The following ADAD2 variants were observed in gnomAD, a reference collection of about 807,000 sequenced individuals.
ADAD2 encodes the protein adenosine deaminase domain containing 2.
Under a neutral mutation model 54.5 loss-of-function variants are expected in ADAD2, and 60 were observed. The ratio of observed to expected loss-of-function variants is 1.10; its 90% confidence interval spans 0.89 to 1.36. ADAD2 has a LOEUF of 1.36. ADAD2 is among the 40% of genes most tolerant of loss of function. The pLI is 0.00. For synonymous variants in ADAD2, 543 were observed against 366.2 expected, an observed-to-expected ratio of 1.48 and a Z score of -5.51; for missense variants, 1,103 against 801.3, an observed-to-expected ratio of 1.38 and a Z score of -4.54.
In ADAD2 at chr16:84,196,900, C is replaced by A. The variant is rs745974652; in HGVS notation, c.1678C>A (p.Leu560Met). 6.3e-7 allele frequency: 1 copy of A among 1,596,254 alleles called. No individual in the cohort carries two copies. The change falls in exon 10 of 10, where the codon CTG (leucine) becomes ATG (methionine). Residue 560 changes from leucine to methionine, a missense_variant. By Grantham distance (15) the Leu-to-Met change is conservative. Coordinates refer to ENST00000315906, the MANE Select transcript of ADAD2 (RefSeq NM_001145400.2). Reference sequence around the variant, plus strand: ...GCCCTACCAGGAGGCTCGCAGGCAGCTGTCTCTCCTCCTGGACCAGCAGGG... The same window carrying A: ...GCCCTACCAGGAGGCTCGCAGGCAGATGTCTCTCCTCCTGGACCAGCAGGG... ...AGPYQEARRQ[L>M]SLLLDQQGLG...
At chr16:84,194,254 A>T (rs1156897588) in intron 1 of ADAD2, 188 bp from the exon 2 acceptor site, 2 of 1,553,744 alleles carry the variant, frequency 1.3e-6, no homozygotes, top group African/African-American at 2.7e-5. Flanking sequence ...GATGGGTCAC[A>T]GCCTGCAGAG....
Position 84,191,308 on chromosome 16 carries a change from C to T in ADAD2, c.78C>T (p.Ser26=), listed in dbSNP as rs2089647082. 2 of 1,592,522 alleles carry T rather than the reference C, an allele frequency of 1.3e-6. No individual in the cohort carries two copies. Among genetic ancestry groups the T allele is most frequent in the Non-Finnish European group, 8.6e-7 (1 of 1,168,784 alleles). The change falls in exon 1 of 10, where the codon AGC becomes AGT. Residue 26 remains serine (S), a synonymous_variant. Transcript: ENST00000315906. ...GCCTGGCTGCATCGTTGCAGATCAG[C>T]CCCCAGCCCCGCCCCTGGCGACCGC... ...KPRLAASLQI[S]PQPRPWRPLP...
Position 84,191,513 on chromosome 16 carries a change from C to T in ADAD2, c.283C>T (p.Pro95Ser), listed in dbSNP as rs1228442323. 6.5e-7 allele frequency: 1 copy of T among 1,544,702 alleles called. No individual in the cohort carries two copies. Among genetic ancestry groups the T allele is most frequent in the African/African-American group, 1.4e-5 (1 of 72,984 alleles). The change falls in exon 1 of 10, where the codon CCG becomes TCG. Residue 95 changes from proline (P) to serine (S), a missense_variant. Transcript: ENST00000315906. ...CTTGGGGGAACAGATGGGGAAGGCC[C>T]CGAGGGTCCCTGTGCCCCCAGCAGG... The part of the protein sequence containing the change: ...ENLGEQMGKA[P>S]RVPVPPAGLS...
intron 2 of ADAD2, 149 bp downstream of exon 2, chr16:84,194,731 G>A (rs2089703681): frequency 7.1e-7 from 1 of 1,403,462 alleles, no homozygotes; most frequent in African/African-American, 1.4e-5. Context: ...GTCACCTGCA[G>A]GGAGCTGGGG....
In ADAD2 at chr16:84,191,217, C is replaced by G; in HGVS notation, c.-14C>G. ...CGAGATAGGGCCTAGCGCCTCAGAT[C>G]TTCGTTGGCGGCCATGGCTTCGGCT... On this transcript the variant is annotated 5_prime_UTR_variant, in exon 1 of 10. The change creates a new upstream start codon in the 5' untranslated region. Coordinates refer to ENST00000315906, the MANE Select transcript of ADAD2 (RefSeq NM_001145400.2). The G allele has an allele frequency of 6.2e-7, 1 of 1,606,034 alleles. No homozygotes were observed. The highest frequency in any genetic ancestry group is 8.5e-7 in the Non-Finnish European group (1 of 1,175,908).
At chr16:84,194,077 C>G in intron 1 of ADAD2, 1 of 1,613,648 alleles carries the variant, frequency 6.2e-7, no homozygotes, top group Non-Finnish European at 8.5e-7. Context: ...GGTGGAAGTG[C>G]TCAGAGCCTT....
intron 1 of ADAD2, chr16:84,193,218 C>T (rs984371360): frequency 6.6e-6 from 1 of 152,232 alleles, no homozygotes; most frequent in Non-Finnish European, 1.5e-5. Context: ...ATAATACCAT[C>T]TTCTAATTTC....
Position 84,191,469 on chromosome 16 carries a change from C to T in ADAD2, c.239C>T (p.Ala80Val). ...GGGGCCGGAGTCGGGGAACTGGGGG[C>T]AGCCCGGGCGTGGGAAAACTTGGGG... The part of the protein sequence containing the change: ...GAGAGVGELG[A>V]ARAWENLGEQ... Residue 80 changes from alanine to valine, a missense_variant, in exon 1 of 10, where the codon GCA becomes GTA. Coordinates refer to ENST00000315906, the MANE Select transcript of ADAD2 (RefSeq NM_001145400.2). 6.5e-7 allele frequency: 1 copy of T among 1,533,062 alleles called. No homozygotes were observed. 95.0% of individuals were successfully genotyped at this position (1,533,062 alleles called of 1,614,324 possible). A position where few individuals can be genotyped will look rare whatever the true frequency, so the allele number is the denominator to read the frequency against.
Position 84,191,253 on chromosome 16 carries a change from C to T in ADAD2, c.23C>T (p.Ala8Val), listed in dbSNP as rs1328617926. The T allele has an allele frequency of 1.0e-5, 16 of 1,607,542 alleles. No individual in the cohort carries two copies. The highest frequency in any genetic ancestry group is 1.3e-5 in the Non-Finnish European group (15 of 1,177,318). ...GCCATGGCTTCGGCTTCTCAGGGCG[C>T]TGACGACGACGGCAGTCGTAGGAAG... MASASQGADDDGSRRKPR... is the reference protein window; with the variant it reads MASASQGVDDDGSRRKPR... The change falls in exon 1 of 10, where the codon GCT (alanine) becomes GTT (valine). Residue 8 changes from alanine (A) to valine (V), a missense_variant. Physicochemically the swap from Ala to Val is moderately conservative, Grantham distance 64. Transcript: ENST00000315906.
chr16:84,196,416 T>G, intron 8 of ADAD2, 46 bp downstream of exon 8: 1 of 1,582,652 alleles, frequency 6.3e-7, no homozygotes, highest in Non-Finnish European at 8.6e-7. Context: ...GTGCTGGTGA[T>G]GGAGGGCTCA....
chr16:84,191,375 C>CCCGCGA lies in ADAD2; in HGVS notation c.147_152dup (p.Ala50_Thr51dup). On this transcript the variant is annotated inframe_insertion, in exon 1 of 10. Transcript: ENST00000315906. Reference sequence around the variant, plus strand: ...AAGTGCCTGGGGGCCCGCGCCCGCGCCCGCGACGTATCGCGCGGAGGGCGG... The same window carrying CCCGCGA: ...AAGTGCCTGGGGGCCCGCGCCCGCGCCCGCGACCGCGACGTATCGCGCGGAGGGCGG... 5.9e-6 allele frequency: 9 copies of CCCGCGA among 1,527,286 alleles called. No homozygotes were observed. The highest frequency in any genetic ancestry group is 7.9e-6 in the Non-Finnish European group (9 of 1,142,388). The allele number at this position is 1,527,286 out of a possible 1,614,324, so 94.6% of individuals were successfully genotyped here. A position where few individuals can be genotyped will look rare whatever the true frequency, so the allele number is the denominator to read the frequency against.
At position 84,193,764 on chromosome 16, in the gene ADAD2, G is replaced by A. The variant is rs1046866605; in HGVS notation, c.419-678G>A. ...TTTCTAAGGCCAACATCCCTTCCAC[G>A]TCTGTCTGTGGTTGCTGGTTTTGAT... On this transcript the variant is annotated intron_variant, in intron 1 of 9. Transcript: ENST00000315906. 2.9e-5 allele frequency: 12 copies of A among 411,956 alleles called. 1 individual carries two copies. Among genetic ancestry groups the A allele is most frequent in the East Asian group, 1.5e-4 (4 of 26,700 alleles). The allele number at this position is 411,956 out of a possible 1,614,324, so 25.5% of individuals were successfully genotyped here.
Position 84,191,428 on chromosome 16 carries a change from C to A in ADAD2, c.198C>A (p.Asp66Glu). ...GGCCCCAGGTCTCGGTGTTGAGGGA[C>A]AGTGGGCCTGGGGCAGGGGCCGGAG... is the stretch of plus-strand genomic sequence containing the variant. The part of the protein sequence containing the change: ...GGWPQVSVLR[D>E]SGPGAGAGVG... Residue 66 changes from aspartate (D) to glutamate (E), a missense_variant, in exon 1 of 10, where the codon GAC (aspartate) becomes GAA (glutamate). Asp to Glu is a conservative substitution (Grantham distance 45). Coordinates refer to ENST00000315906, the MANE Select transcript of ADAD2 (RefSeq NM_001145400.2). 1.3e-6 allele frequency: 2 copies of A among 1,506,614 alleles called. No individual in the cohort carries two copies. The highest frequency in any genetic ancestry group is 1.4e-5 in the African/African-American group (1 of 71,324). The allele number at this position is 1,506,614 out of a possible 1,614,324, so 93.3% of individuals were successfully genotyped here.
chr16:84,196,734 C>T lies in ADAD2; in HGVS notation c.1614C>T (p.Tyr538=). ...CGGCCAGGGCTGTGGGGAAGCCCTA[C>T]CTCCTGGCCTTGAAGACCTACGAGG... ...HQAARAVGKP[Y]LLALKTYEAA... Residue 538 remains tyrosine, a synonymous_variant, in exon 9 of 10, where the codon TAC becomes TAT. Transcript: ENST00000315906. 1 of 1,612,866 alleles carries T rather than the reference C, an allele frequency of 6.2e-7. No individual in the cohort carries two copies. Among genetic ancestry groups the T allele is most frequent in the East Asian group, 2.2e-5 (1 of 44,864 alleles).
intron 1 of ADAD2, 123 bp downstream of exon 1, chr16:84,191,771 C>A: frequency 7.1e-7 from 1 of 1,416,424 alleles, no homozygotes; most frequent in Non-Finnish European, 9.6e-7. Flanking sequence ...GAGACACCGC[C>A]GGAGCAGGAC....
chr16:84,195,233 C>T (rs1313561782), intron 4 of ADAD2, 39 bp downstream of exon 4: 1 of 1,610,384 alleles, frequency 6.2e-7, no homozygotes, highest in Admixed American at 1.7e-5. Flanking sequence ...CCCCGGCCCC[C>T]TGGGAAGGGC....
Position 84,196,189 on chromosome 16 carries a change from A to G in ADAD2, c.1345A>G (p.Ser449Gly), listed in dbSNP as rs142053460. 7 of 1,609,220 alleles carry G rather than the reference A, an allele frequency of 4.3e-6. No homozygotes were observed. Among genetic ancestry groups the G allele is most frequent in the East Asian group, 2.2e-5 (1 of 44,812 alleles). ...RAIHTRPCLDSVLGPCLPPPY... is the reference protein window; with the variant it reads ...RAIHTRPCLDGVLGPCLPPPY... ...CATCCACACCCGGCCCTGCCTGGACAGTGTCCTGGGGCCATGCCTGCCACC... is the reference window on the plus strand; with the variant it reads ...CATCCACACCCGGCCCTGCCTGGACGGTGTCCTGGGGCCATGCCTGCCACC... The change falls in exon 8 of 10, where the codon AGT (serine) becomes GGT (glycine). Residue 449 changes from serine (S) to glycine (G), a missense_variant. Coordinates refer to ENST00000315906, the MANE Select transcript of ADAD2 (RefSeq NM_001145400.2).
intron 1 of ADAD2, chr16:84,192,846 C>CTTT: frequency 7.1e-6 from 1 of 140,052 alleles, no homozygotes; most frequent in Non-Finnish European, 1.6e-5. Flanking sequence ...GCCCAGCCCT[C>CTTT]TTTTTTTTTT....
intron 7 of ADAD2, 39 bp from the exon 8 acceptor site, chr16:84,196,088 G>T (rs1439957986): frequency 2.5e-6 from 4 of 1,599,732 alleles, no homozygotes; most frequent in African/African-American, 1.3e-5. Flanking sequence ...GGGAGGGCAG[G>T]GAGGTCACTC....
Sources: gnomAD v4.1 joint callset for allele counts on GRCh38, gnomAD v4.1.1 for gene constraint, MANE v1.5 for transcripts, NCBI Gene and HGNC (gene_info 2026-07-23, HGNC 2026-07-21) for gene names.